The following LASP1 variants were observed in gnomAD, a reference collection of about 807,000 sequenced individuals.
LASP1 encodes the protein LIM and SH3 domain protein 1.
A neutral mutation model predicts 38.6 loss-of-function variants in LASP1; 10 were observed. That is an observed-to-expected ratio of 0.26 (90% CI 0.16 to 0.44). The LOEUF (loss-of-function observed/expected upper bound fraction) is 0.44. Ranked by LOEUF, LASP1 falls within the 20% of genes least tolerant of loss-of-function variation. The pLI is 1.00. For missense variants in LASP1, 243 were observed against 375.7 expected (o/e 0.65, Z 2.92); for synonymous variants, 132 against 140.8 (o/e 0.94, Z 0.44).
Position 38,919,408 on chromosome 17 carries a change from C to G in LASP1, c.*630C>G, listed in dbSNP as rs1915233707. On this transcript the variant is annotated 3_prime_UTR_variant, in exon 7 of 7. Coordinates refer to ENST00000318008, the MANE Select transcript of LASP1 (RefSeq NM_006148.4). ...CCCTCCCCGCGCGTTCCTTCGCACA[C>G]TGTGATTTTGCCCTCCTGCCCACGC... 4.2e-6 allele frequency: 1 copy of G among 240,872 alleles called. No individual in the cohort carries two copies. The highest frequency in any genetic ancestry group is 2.2e-5 in the African/African-American group (1 of 45,428). 14.9% of individuals were successfully genotyped at this position (240,872 alleles called of 1,614,324 possible). A position where few individuals can be genotyped will look rare whatever the true frequency, so the allele number is the denominator to read the frequency against.
Position 38,879,236 on chromosome 17 carries a change from A to G in LASP1, c.164+1056A>G, listed in dbSNP as rs922793364. On this transcript the variant is annotated intron_variant, in intron 2 of 6. Coordinates refer to ENST00000318008, the MANE Select transcript of LASP1 (RefSeq NM_006148.4). ...AGTGGCGCGATCTTGGCTCACTGCA[A>G]CCTCCGCCTCTTGGATTCAAGCGAT... 7.5e-4 allele frequency among the ~76,000 whole-genome samples: 106 copies of G among 140,598 alleles called. 1 individual carries two copies. The highest frequency in any genetic ancestry group is 2.1e-4 in the African/African-American group (8 of 37,902). The allele number at this position is 140,598 out of a possible 152,430, so 92.2% of individuals were successfully genotyped here.
chr17:38,891,646 C>T (rs978846487), intron 3 of LASP1, among the ~76,000 whole-genome samples: 8 of 152,160 alleles, frequency 5.3e-5, no homozygotes, highest in African/African-American at 1.9e-4. Context: ...CTCACCCAGC[C>T]CTGTGCAGCT....
At position 38,918,746 on chromosome 17, in the gene LASP1, AT is replaced by A; in HGVS notation, c.755del (p.Met252SerfsTer42). On this transcript the variant is annotated frameshift_variant, in exon 7 of 7. Transcript: ENST00000318008. LOFTEE classifies it high-confidence loss of function. This position sits in a 1 kb window ranked among gnomAD's most constrained non-coding sequence, Gnocchi z 4.4. The part of the protein sequence containing the change: ...GTVERTGDTG[M>X]LPANYVEAI ...GGTGGAGCGCACCGGCGACACGGGGATGCTGCCGGCCAACTACGTGGAGGCC... is the reference window on the plus strand; with the variant it reads ...GGTGGAGCGCACCGGCGACACGGGGAGCTGCCGGCCAACTACGTGGAGGCC... The A allele has an allele frequency of 6.2e-7, 1 of 1,614,044 alleles. No homozygotes were observed. The highest frequency in any genetic ancestry group is 8.5e-7 in the Non-Finnish European group (1 of 1,180,012).
chr17:38,909,306 T>G (rs1914862414), intron 4 of LASP1, among the ~76,000 whole-genome samples: 1 of 152,004 alleles, frequency 6.6e-6, no homozygotes, highest in South Asian at 2.1e-4. Flanking sequence ...ACCAGTTTCC[T>G]CTCTGGAAAG....
chr17:38,907,978 G>A (rs1009098919), intron 4 of LASP1, among the ~76,000 whole-genome samples: 1 of 152,178 alleles, frequency 6.6e-6, no homozygotes, highest in South Asian at 2.1e-4. Context: ...GTAAGCATAC[G>A]GCTCCCCTAA....
chr17:38,873,976 G>T (rs1405114881), intron 1 of LASP1: 1 of 152,084 alleles, frequency 6.6e-6, no homozygotes, highest in Non-Finnish European at 1.5e-5. Context: ...CCAAGTGAGG[G>T]GTATCCTTGC....
At chr17:38,914,511 G>T in intron 5 of LASP1, 36 bp downstream of exon 5, 1 of 1,562,896 alleles carries the variant, frequency 6.4e-7, no homozygotes, top group Non-Finnish European at 8.7e-7. Flanking sequence ...ATGACCTGAG[G>T]CGAGGCCAGT....
At chr17:38,884,654 T>TGCTA (rs1914058027) in intron 2 of LASP1, among the ~76,000 whole-genome samples, 1 of 150,148 alleles carries the variant, frequency 6.7e-6, no homozygotes, top group African/African-American at 2.5e-5. Context: ...CCTCCTAAAG[T>TGCTA]GCTAGGATTA....
Position 38,899,564 on chromosome 17 carries a change from A to T in LASP1, c.357+1045A>T, listed in dbSNP as rs116876707. Among the ~76,000 whole-genome samples, 790 of 152,280 alleles carry T rather than the reference A, an allele frequency of 5.2e-3. 7 individuals are homozygous for T. The highest frequency in any genetic ancestry group is 0.046 in the East Asian group (236 of 5,172). ...TGGGTCAGGTGGATTTCAGAAGCAC[A>T]GGCAGCCCACAGACAGCAGAACCAG... On this transcript the variant is annotated intron_variant, in intron 4 of 6. Transcript: ENST00000318008.
intron 6 of LASP1, 49 bp downstream of exon 6, chr17:38,915,195 G>A (rs772407695): frequency 1.1e-5 from 16 of 1,470,804 alleles, no homozygotes; most frequent in South Asian, 4.6e-5. Context: ...GGGGTCCTTC[G>A]GGAAGGCTTG....
chr17:38,907,300 G>A (rs765406839), intron 4 of LASP1, among the ~76,000 whole-genome samples: 3 of 152,062 alleles, frequency 2.0e-5, no homozygotes, highest in Non-Finnish European at 2.9e-5. Context: ...CCTCTCTCTC[G>A]AGTTAGGGTG....
intron 4 of LASP1, among the ~76,000 whole-genome samples, chr17:38,909,435 T>C (rs226225): frequency 0.78 from 118,053 of 151,576 alleles, 46,650 homozygotes; most frequent in African/African-American, 0.9. Flanking sequence ...GGTAAAAGCC[T>C]GTCTCTACTA....
At chr17:38,871,833 T>A (rs920330158) in intron 1 of LASP1, among the ~76,000 whole-genome samples, 1 of 152,144 alleles carries the variant, frequency 6.6e-6, no homozygotes, top group Non-Finnish European at 1.5e-5. Flanking sequence ...GTTGTTGATC[T>A]CCCCATGACC....
chr17:38,909,099 G>A (rs543052363), intron 4 of LASP1, among the ~76,000 whole-genome samples: 1 of 152,326 alleles, frequency 6.6e-6, no homozygotes, highest in South Asian at 2.1e-4. Flanking sequence ...CCAGGGCCTG[G>A]AGGAAATTCC....
At chr17:38,897,272 G>C (rs568476430) in intron 3 of LASP1, among the ~76,000 whole-genome samples, 2 of 152,370 alleles carry the variant, frequency 1.3e-5, no homozygotes, top group African/African-American at 4.8e-5. Context: ...GACCTGACAG[G>C]TGTGGCCGTG....
chr17:38,895,518 G>C (rs11655236), intron 3 of LASP1, among the ~76,000 whole-genome samples: 91,320 of 151,650 alleles, frequency 0.6, 28,197 homozygotes, highest in Non-Finnish European at 0.67. Context: ...TGGGGTTTCA[G>C]CATGTTAGGC....
At chr17:38,906,130 G>A (rs1343993615) in intron 4 of LASP1, among the ~76,000 whole-genome samples, 2 of 152,132 alleles carry the variant, frequency 1.3e-5, no homozygotes, top group East Asian at 1.9e-4. Flanking sequence ...TGAGAACTGA[G>A]GCTCTGATGT....
At chr17:38,870,603 G>A (rs920306883) in intron 1 of LASP1, among the ~76,000 whole-genome samples, 2 of 151,610 alleles carry the variant, frequency 1.3e-5, no homozygotes, top group Admixed American at 1.3e-4. Flanking sequence ...TGGAGAGTGA[G>A]AAGAGACGGC....
intron 6 of LASP1, among the ~76,000 whole-genome samples, chr17:38,917,096 G>T (rs1915154001): frequency 6.6e-6 from 1 of 152,302 alleles, no homozygotes; most frequent in South Asian, 2.1e-4. Context: ...TCTGTGCAGA[G>T]CGACATAGGT....
Sources: allele counts gnomAD v4.1 joint callset (sites outside exome capture counted in the v4.1 genomes callset), GRCh38; gene constraint gnomAD v4.1.1; non-coding constraint Gnocchi (gnomAD v3.1); transcripts MANE v1.5; gene names NCBI Gene and HGNC (gene_info 2026-07-23, HGNC 2026-07-21).